Variants in PRR16 observed in about 807,000 individuals in gnomAD.
PRR16 encodes protein Largen.
In PRR16, 6 loss-of-function variants were observed where a neutral mutation model predicts 18.2. The ratio of observed to expected loss-of-function variants is 0.33; its 90% confidence interval spans 0.18 to 0.65. PRR16 has a LOEUF of 0.65. PRR16 is among the 30% of genes least tolerant of loss of function. The probability of loss-of-function intolerance (pLI) is 0.74; values close to 1 mark genes in which losing one functional copy is unlikely to be tolerated. For synonymous variants in PRR16, 151 were observed against 147.8 expected, an observed-to-expected ratio of 1.02 and a Z score of -0.16; for missense variants, 412 against 376.6, an observed-to-expected ratio of 1.09 and a Z score of -0.78.
chr5:120,620,491 A>G (rs1007423119), intron 1 of PRR16, among the ~76,000 whole-genome samples: 3 of 152,204 alleles, frequency 2.0e-5, no homozygotes, highest in Admixed American at 6.6e-5. Flanking sequence ...TAATCAGAAA[A>G]TAAGTAGTTC....
chr5:120,787,785 G>A, the PRR16 span, among the ~76,000 whole-genome samples: 19 of 151,898 alleles, frequency 1.3e-4, no homozygotes, highest in African/African-American at 3.9e-4. Context: ...CTCCTCCTCC[G>A]TTGTACTTTC....
At chr5:120,684,879 C>T (rs1030365904) in intron 1 of PRR16, among the ~76,000 whole-genome samples, 9 of 152,210 alleles carry the variant, frequency 5.9e-5, no homozygotes, top group Admixed American at 3.9e-4. Context: ...GGGTTCCCAC[C>T]TGTCTTATGC....
At chr5:120,741,883 G>A in the PRR16 span, among the ~76,000 whole-genome samples, 15 of 152,324 alleles carry the variant, frequency 9.8e-5, no homozygotes, top group East Asian at 2.9e-3. Context: ...TTGCAGGCAT[G>A]AGCCACCGCA....
At chr5:120,505,225 T>C (rs187973829) in intron 1 of PRR16, among the ~76,000 whole-genome samples, 25 of 152,324 alleles carry the variant, frequency 1.6e-4, no homozygotes, top group Non-Finnish European at 3.7e-4. Context: ...ATATTTGAAT[T>C]GAAAACTCTA....
At chr5:120,681,339 T>A (rs887865909) in intron 1 of PRR16, among the ~76,000 whole-genome samples, 3 of 152,294 alleles carry the variant, frequency 2.0e-5, no homozygotes, top group East Asian at 3.9e-4. Flanking sequence ...AATTTACACA[T>A]GCACTTTTGA....
intron 1 of PRR16, among the ~76,000 whole-genome samples, chr5:120,586,830 T>A (rs781318428): frequency 6.6e-6 from 1 of 152,004 alleles, no homozygotes; most frequent in Non-Finnish European, 1.5e-5. Flanking sequence ...GAGTCCCACA[T>A]CTCTCCTTTC....
the PRR16 span, among the ~76,000 whole-genome samples, chr5:120,719,198 A>G: frequency 6.6e-6 from 1 of 152,110 alleles, no homozygotes; most frequent in Non-Finnish European, 1.5e-5. Context: ...AAGATGAAAT[A>G]TAAATCTTCA....
At chr5:120,655,463 T>C (rs1419975213) in intron 1 of PRR16, among the ~76,000 whole-genome samples, 2 of 151,588 alleles carry the variant, frequency 1.3e-5, no homozygotes, top group Admixed American at 6.6e-5. Context: ...GACCTATTAT[T>C]ATAGACATAT....
At chr5:120,713,975 C>T in the PRR16 span, among the ~76,000 whole-genome samples, 15 of 151,852 alleles carry the variant, frequency 9.9e-5, no homozygotes, top group Non-Finnish European at 1.8e-4. Context: ...GATACATTTC[C>T]GAGACCCATG....
the PRR16 span, among the ~76,000 whole-genome samples, chr5:120,786,248 T>A: frequency 6.6e-6 from 1 of 151,634 alleles, no homozygotes; most frequent in African/African-American, 2.4e-5. Context: ...TTCTTTTCCA[T>A]AAAAATAAAA....
chr5:120,600,938 T>G (rs1753961753), intron 1 of PRR16, among the ~76,000 whole-genome samples: 1 of 151,856 alleles, frequency 6.6e-6, no homozygotes, highest in Non-Finnish European at 1.5e-5. Context: ...ATTGTATAGT[T>G]TATATGTACC....
chr5:120,482,724 G>T (rs929621544), intron 1 of PRR16, among the ~76,000 whole-genome samples: 1 of 152,106 alleles, frequency 6.6e-6, no homozygotes, highest in African/African-American at 2.4e-5. Context: ...CACAGTGACT[G>T]AACTAATTTA....
In PRR16 at chr5:120,569,223, A is replaced by G. The variant is rs183531473; in HGVS notation, c.159+104578A>G. On this transcript the variant is annotated intron_variant, in intron 1 of 1. Coordinates refer to ENST00000407149, the MANE Select transcript of PRR16 (RefSeq NM_001300783.2). Reference sequence around the variant, plus strand: ...GTTTACTGTATCGTCTGTAAGTATTAAGCCATGTTTTAAAAATGTGTGCTT... The same window carrying G: ...GTTTACTGTATCGTCTGTAAGTATTGAGCCATGTTTTAAAAATGTGTGCTT... 2.0e-5 allele frequency among the ~76,000 whole-genome samples: 3 copies of G among 152,298 alleles called. No homozygotes were observed. In the East Asian group the frequency reaches 5.8e-4, roughly 29 times the overall value.
chr5:120,583,980 A>G (rs1022465560), intron 1 of PRR16, among the ~76,000 whole-genome samples: 1 of 152,216 alleles, frequency 6.6e-6, no homozygotes, highest in Non-Finnish European at 1.5e-5. Flanking sequence ...CTGTGATGAA[A>G]GAAGAGAGAT....
the PRR16 span, among the ~76,000 whole-genome samples, chr5:120,702,230 G>A: frequency 2.7e-4 from 41 of 150,206 alleles, no homozygotes; most frequent in East Asian, 5.3e-3. Context: ...ATAAGGGGTC[G>A]GGACACAGAA....
chr5:120,486,098 C>G (rs1030062648), intron 1 of PRR16, among the ~76,000 whole-genome samples: 1 of 152,048 alleles, frequency 6.6e-6, no homozygotes, highest in Non-Finnish European at 1.5e-5. Flanking sequence ...TGAATAATGC[C>G]ACAATAAACA....
chr5:120,770,159 C>T, the PRR16 span, among the ~76,000 whole-genome samples: 126 of 151,988 alleles, frequency 8.3e-4, no homozygotes, highest in African/African-American at 2.8e-3. Context: ...CAGAGAAGAA[C>T]AAAGTTGGAG....
intron 1 of PRR16, among the ~76,000 whole-genome samples, chr5:120,536,451 T>A (rs970813729): frequency 1.3e-5 from 2 of 152,206 alleles, no homozygotes; most frequent in Admixed American, 1.3e-4. Flanking sequence ...TCCAGTTAAA[T>A]ATTTGACACT....
chr5:120,685,021 C>T (rs1757078049), intron 1 of PRR16, among the ~76,000 whole-genome samples: 1 of 152,146 alleles, frequency 6.6e-6, no homozygotes, highest in South Asian at 2.1e-4. Context: ...GTTTAGGGTC[C>T]TGGGCCCAGA....
Sources: allele counts gnomAD v4.1 joint callset (sites outside exome capture counted in the v4.1 genomes callset), GRCh38; gene constraint gnomAD v4.1.1; transcripts MANE v1.5; gene names NCBI Gene and HGNC (gene_info 2026-07-23, HGNC 2026-07-21).